KLF13: variants seen among roughly 807,000 people sequenced by gnomAD.
The protein encoded by KLF13 is Krueppel-like factor 13.
Under a neutral mutation model 16.7 loss-of-function variants are expected in KLF13, and 8 were observed. The ratio of observed to expected loss-of-function variants is 0.48; its 90% CI spans 0.28 to 0.87. The LOEUF (loss-of-function observed/expected upper bound fraction) is 0.87. KLF13 is among the 40% of genes least tolerant of loss of function. The probability of loss-of-function intolerance (pLI) is 0.10; values close to 1 mark genes in which losing one functional copy is unlikely to be tolerated. For synonymous variants in KLF13, 245 were observed against 208.4 expected, an observed-to-expected ratio of 1.18 and a Z score of -1.51; for missense variants, 447 against 452.2, an observed-to-expected ratio of 0.99 and a Z score of 0.10.
chr15:31,347,000 G>A (rs929343893), intron 1 of KLF13, among the ~76,000 whole-genome samples: 1 of 152,214 alleles, frequency 6.6e-6, no homozygotes, highest in African/African-American at 2.4e-5. Flanking sequence ...GAGGACCTCA[G>A]TTCCCCTACC....
chr15:31,401,727 C>T (rs574380833), intron 2 of KLF13, among the ~76,000 whole-genome samples: 53 of 152,314 alleles, frequency 3.5e-4, no homozygotes, highest in African/African-American at 1.2e-3. Context: ...TGCCCAAGGC[C>T]ACACTGGTGC....
intron 1 of KLF13, among the ~76,000 whole-genome samples, chr15:31,342,966 C>T (rs928757313): frequency 6.6e-6 from 1 of 152,256 alleles, no homozygotes; most frequent in Non-Finnish European, 1.5e-5. Context: ...CTGATTGCTC[C>T]GTGGACACTT....
upstream of KLF13, among the ~76,000 whole-genome samples, chr15:31,388,946 G>C (rs1201494083): frequency 6.8e-6 from 1 of 146,356 alleles, no homozygotes; most frequent in Non-Finnish European, 1.5e-5. Flanking sequence ...TAAAATACTT[G>C]TCCTCCTACT....
chr15:31,338,322 G>A (rs1029966226), intron 1 of KLF13, among the ~76,000 whole-genome samples: 3 of 152,204 alleles, frequency 2.0e-5, no homozygotes, highest in Non-Finnish European at 4.4e-5. Flanking sequence ...ATGTGTATGT[G>A]TGTGTGTATA....
chr15:31,334,044 G>T (rs1233309471), intron 1 of KLF13, among the ~76,000 whole-genome samples: 2 of 152,154 alleles, frequency 1.3e-5, no homozygotes, highest in Non-Finnish European at 2.9e-5. Context: ...TGTCCACCTG[G>T]TTGGTTTCTA....
At chr15:31,345,554 G>A (rs2039100967) in intron 1 of KLF13, among the ~76,000 whole-genome samples, 1 of 152,224 alleles carries the variant, frequency 6.6e-6, no homozygotes, top group Non-Finnish European at 1.5e-5. Flanking sequence ...GTCCCATCCT[G>A]AAACTGACAG....
At chr15:31,342,742 T>C (rs1159792079) in intron 1 of KLF13, among the ~76,000 whole-genome samples, 1 of 152,270 alleles carries the variant, frequency 6.6e-6, no homozygotes, top group East Asian at 1.9e-4. Flanking sequence ...GCAGCAGTTC[T>C]ATGTTTGCAA....
In KLF13 at chr15:31,425,355, G is replaced by T. The variant is rs934469757; in HGVS notation, n.118-10015G>T. ...TAATTCTGTAAAAGAAAACAAAACTGAAAATCTCACACTTCCCAATTCAAA... is the reference window on the plus strand; with the variant it reads ...TAATTCTGTAAAAGAAAACAAAACTTAAAATCTCACACTTCCCAATTCAAA... On this transcript the variant is annotated intron_variant and non_coding_transcript_variant, in intron 1 of 1. Coordinates refer to the KLF13 transcript ENST00000558225. Among the ~76,000 whole-genome samples the T allele has an allele frequency of 5.3e-5, 8 of 152,134 alleles. 1 individual carries two copies. Among genetic ancestry groups the T allele is most frequent in the Non-Finnish European group, 1.2e-4 (8 of 68,014 alleles).
At position 31,369,383 on chromosome 15, in the gene KLF13, G is replaced by A. The variant is rs555569832; in HGVS notation, c.578-2627G>A. 4.6e-5 allele frequency among the ~76,000 whole-genome samples: 7 copies of A among 152,346 alleles called. No homozygotes were observed. In the South Asian group the frequency reaches 1.4e-3, roughly 32 times the overall value. On this transcript the variant is annotated intron_variant, in intron 1 of 1. Transcript: ENST00000307145. Reference sequence around the variant, plus strand: ...TTTCCTGCCACCACCTCATGGAGTTGTTGTGAAGAATAAATAATAGAGCAT... The same window carrying A: ...TTTCCTGCCACCACCTCATGGAGTTATTGTGAAGAATAAATAATAGAGCAT...
chr15:31,349,810 G>A (rs2039187544), intron 1 of KLF13, among the ~76,000 whole-genome samples: 1 of 152,178 alleles, frequency 6.6e-6, no homozygotes, highest in Non-Finnish European at 1.5e-5. Flanking sequence ...CTGGGGAGGG[G>A]GTTCACAGCT....
upstream of KLF13, chr15:31,392,814 A>ACCCCGCCCCCGC (rs59322148): frequency 1.7e-5 from 2 of 121,128 alleles, no homozygotes; most frequent in Non-Finnish European, 3.7e-5. Context: ...ATTGCCCCCC[A>ACCCCGCCCCCGC]CCCCGCCCCC....
intron 1 of KLF13, among the ~76,000 whole-genome samples, chr15:31,365,830 G>A (rs1290650178): frequency 6.6e-6 from 1 of 152,140 alleles, no homozygotes; most frequent in Non-Finnish European, 1.5e-5. Context: ...GGAGGGCCTG[G>A]GACTTGGGTG....
chr15:31,406,118 G>A (rs1237123650), downstream of KLF13, among the ~76,000 whole-genome samples: 1 of 152,204 alleles, frequency 6.6e-6, no homozygotes, highest in Non-Finnish European at 1.5e-5. Context: ...TGTAGGGCAA[G>A]AAGACAAAAA....
chr15:31,416,219 A>C (rs756523153), intron 1 of KLF13, among the ~76,000 whole-genome samples: 5 of 152,138 alleles, frequency 3.3e-5, no homozygotes, highest in Non-Finnish European at 7.4e-5. Flanking sequence ...TTCATCACTG[A>C]ATTCTACCAA....
intron 1 of KLF13, among the ~76,000 whole-genome samples, chr15:31,355,713 G>A (rs1409283392): frequency 6.6e-6 from 1 of 152,096 alleles, no homozygotes; most frequent in Non-Finnish European, 1.5e-5. Context: ...TATTTTGGGG[G>A]ATCATGACAG....
intron 1 of KLF13, 127 bp downstream of exon 1, chr15:31,327,916 G>C (rs889264399): frequency 9.3e-7 from 1 of 1,076,370 alleles, no homozygotes; most frequent in Non-Finnish European, 1.1e-6. Flanking sequence ...CCGGGGCCTC[G>C]CCCCTTCCCC....
rs2038721137 is a variant in KLF13, at chr15:31,327,068, G to A, written c.-145G>A. ...GAGCCGCGCGGGTGACGGCACAGGC[G>A]GCTGCGCGCCCAGCCCAGCCCAGCC... On this transcript the variant is annotated 5_prime_UTR_variant, in exon 1 of 2. Coordinates refer to ENST00000307145, the MANE Select transcript of KLF13 (RefSeq NM_015995.4). 1.9e-5 allele frequency: 13 copies of A among 690,228 alleles called. No homozygotes were observed. Among genetic ancestry groups the A allele is most frequent in the Non-Finnish European group, 2.3e-5 (12 of 533,118 alleles). 42.8% of individuals were successfully genotyped at this position (690,228 alleles called of 1,614,324 possible). A position where few individuals can be genotyped will look rare whatever the true frequency, so the allele number is the denominator to read the frequency against.
chr15:31,423,726 C>T (rs902642192), intron 1 of KLF13, among the ~76,000 whole-genome samples: 1 of 152,192 alleles, frequency 6.6e-6, no homozygotes, highest in South Asian at 2.1e-4. Flanking sequence ...TTCTCTCAAA[C>T]TCACATGGAA....
At chr15:31,388,617 A>G (rs572094943), upstream of KLF13, among the ~76,000 whole-genome samples, 72 of 151,602 alleles carry the variant, frequency 4.7e-4, no homozygotes, top group Admixed American at 3.0e-3. Context: ...AAAAAAAAAA[A>G]AAAAAGAAAA....
Sources: allele counts gnomAD v4.1 joint callset (sites outside exome capture counted in the v4.1 genomes callset), GRCh38; gene constraint gnomAD v4.1.1; transcripts MANE v1.5; gene names NCBI Gene and HGNC (gene_info 2026-07-23, HGNC 2026-07-21).